The following IFNA16 variants were observed in gnomAD, a reference collection of about 807,000 sequenced individuals.
IFNA16 encodes interferon alpha 16.
For missense variants in IFNA16, 332 were observed against 213.5 expected (o/e 1.55, Z -3.46); for synonymous variants, 122 against 83.3 (o/e 1.46, Z -2.53).
Position 21,216,738 on chromosome 9 carries a change from A to G in IFNA16, c.568T>C (p.Ter190ArgextTer11), listed in dbSNP as rs147709965. ...NLQKGLRRKD[*>R] Reference sequence around the variant, plus strand: ...TCATTTCCATGTTGAATGAGTTTTCAATCCTTCCTTCTTAATCCTTTTTGC... The same window carrying G: ...TCATTTCCATGTTGAATGAGTTTTCGATCCTTCCTTCTTAATCCTTTTTGC... Residue 190 changes from the stop codon to arginine, a stop_lost, in exon 1 of 1, where the codon TGA becomes CGA. Transcript: ENST00000380216. 4 of 1,612,902 alleles carry G rather than the reference A, an allele frequency of 2.5e-6. No homozygotes were observed. In the African/African-American group the frequency reaches 5.3e-5, roughly 22 times the overall value.
At position 21,217,282 on chromosome 9, in the gene IFNA16, C is replaced by A. The variant is rs146707923; in HGVS notation, c.24G>T (p.Leu8=). Residue 8 remains leucine, a synonymous_variant, in exon 1 of 1, where the codon CTG becomes CTT. Coordinates refer to ENST00000380216, the MANE Select transcript of IFNA16 (RefSeq NM_002173.3). MALSFSL[L]MAVLVLSYKS... ...TGTAGCTGAGCACCAGCACGGCCATCAGTAAAGAAAAGGACAGGGCCATTG... is the reference window on the plus strand; with the variant it reads ...TGTAGCTGAGCACCAGCACGGCCATAAGTAAAGAAAAGGACAGGGCCATTG... The A allele has an allele frequency of 1.6e-4, 263 of 1,612,844 alleles. 1 individual carries two copies. In the African/African-American group the frequency reaches 1.8e-3, roughly 11 times the overall value.
At position 21,216,780 on chromosome 9, in the gene IFNA16, A is replaced by G; in HGVS notation, c.526T>C (p.Ser176Pro). ...CCTTTTTGCAAGTTTGTTGAAAAAG[A>G]GAAGGATCTCATGATTTCTGCTCTG... Reference protein sequence around the residue: ...VVRAEIMRSFSFSTNLQKGLR... With the variant: ...VVRAEIMRSFPFSTNLQKGLR... The change falls in exon 1 of 1, where the codon TCT becomes CCT. Residue 176 changes from serine (S) to proline (P), a missense_variant. By Grantham distance (74) the Ser-to-Pro change is moderately conservative (BLOSUM62 -1). Coordinates refer to ENST00000380216, the MANE Select transcript of IFNA16 (RefSeq NM_002173.3). 2 of 1,613,860 alleles carry G rather than the reference A, an allele frequency of 1.2e-6. No individual in the cohort carries two copies. Among genetic ancestry groups the G allele is most frequent in the Non-Finnish European group, 1.7e-6 (2 of 1,179,908 alleles).
In IFNA16 at chr9:21,216,776, A is replaced by C; in HGVS notation, c.530T>G (p.Phe177Cys). Reference protein sequence around the residue: ...VRAEIMRSFSFSTNLQKGLRR... With the variant: ...VRAEIMRSFSCSTNLQKGLRR... ...TAATCCTTTTTGCAAGTTTGTTGAA[A>C]AAGAGAAGGATCTCATGATTTCTGC... The change falls in exon 1 of 1, where the codon TTT (phenylalanine) becomes TGT (cysteine). Residue 177 changes from phenylalanine (F) to cysteine (C), a missense_variant. By Grantham distance (205) the Phe-to-Cys change is radical (BLOSUM62 -2). Coordinates refer to ENST00000380216, the MANE Select transcript of IFNA16 (RefSeq NM_002173.3). 2 of 1,613,674 alleles carry C rather than the reference A, an allele frequency of 1.2e-6. No individual in the cohort carries two copies. The highest frequency in any genetic ancestry group is 1.7e-6 in the Non-Finnish European group (2 of 1,179,856).
rs377352456 is a variant in IFNA16 at position 21,216,817 on chromosome 9, G to C, written c.489C>G (p.Ala163=). The part of the protein sequence containing the change: ...YLMGKKYSPC[A]WEVVRAEIMR... ...TGATTTCTGCTCTGACAACCTCCCA[G>C]GCACAAGGGCTGTATTTCTTCCCCA... is the stretch of plus-strand genomic sequence containing the variant. Residue 163 remains alanine, a synonymous_variant, in exon 1 of 1, where the codon GCC becomes GCG. Transcript: ENST00000380216. 1.9e-6 allele frequency: 3 copies of C among 1,613,906 alleles called. No individual in the cohort carries two copies. The highest frequency in any genetic ancestry group is 8.5e-7 in the Non-Finnish European group (1 of 1,179,922).
Position 21,217,234 on chromosome 9 carries a change from A to G in IFNA16, c.72T>C (p.Cys24=). The G allele has an allele frequency of 1.2e-6, 2 of 1,614,036 alleles. No homozygotes were observed. The highest frequency in any genetic ancestry group is 1.1e-5 in the South Asian group (1 of 91,066). ...LSYKSICSLG[C]DLPQTHSLGN... Reference sequence around the variant, plus strand: ...CCAGGCTGTGAGTCTGAGGCAGATCACAGCCCAGAGAACAGATGGATTTGT... The same window carrying G: ...CCAGGCTGTGAGTCTGAGGCAGATCGCAGCCCAGAGAACAGATGGATTTGT... The change falls in exon 1 of 1, where the codon TGT becomes TGC. Residue 24 remains cysteine (C), a synonymous_variant. Coordinates refer to ENST00000380216, the MANE Select transcript of IFNA16 (RefSeq NM_002173.3).
the IFNA16 span, chr9:21,216,966 G>A: frequency 1.1e-5 from 17 of 1,613,792 alleles, no homozygotes; most frequent in Middle Eastern, 5.0e-4. Context: ...TTCAGTTGCT[G>A]GAAAAGTTCA....
rs1183288262 is a variant in IFNA16 at position 21,216,654 on chromosome 9, T to C, written c.*82A>G. 5 of 1,547,536 alleles carry C rather than the reference T, an allele frequency of 3.2e-6. No individual in the cohort carries two copies. The Admixed American group carries it at 8.4e-5, about 26-fold the overall frequency. ...ATTCAACTTGTGGTGGTTATAGAAG[T>C]GAGTCTTTGAAATGGAAGAACTCAT... On this transcript the variant is annotated 3_prime_UTR_variant, in exon 1 of 1. Transcript: ENST00000380216.
Position 21,216,578 on chromosome 9 carries a change from A to G in IFNA16, c.*158T>C, listed in dbSNP as rs1394456444. ...TCATCTGTAAAGGACTAGTGCCTGC[A>G]CAGGTAAACACGATGCTTCTTTACA... On this transcript the variant is annotated 3_prime_UTR_variant, in exon 1 of 1. Transcript: ENST00000380216. 9.9e-7 allele frequency: 1 copy of G among 1,010,434 alleles called. No individual in the cohort carries two copies. Among genetic ancestry groups the G allele is most frequent in the African/African-American group, 1.6e-5 (1 of 61,148 alleles). The allele number at this position is 1,010,434 out of a possible 1,614,324, so 62.6% of individuals were successfully genotyped here.
chr9:21,217,281 T>G lies in IFNA16; in HGVS notation c.25A>C (p.Met9Leu). 1 of 1,612,974 alleles carries G rather than the reference T, an allele frequency of 6.2e-7. No homozygotes were observed. The highest frequency in any genetic ancestry group is 8.5e-7 in the Non-Finnish European group (1 of 1,179,524). Residue 9 changes from methionine to leucine, a missense_variant, in exon 1 of 1, where the codon ATG (methionine) becomes CTG (leucine). By Grantham distance (15) the Met-to-Leu change is conservative. Coordinates refer to ENST00000380216, the MANE Select transcript of IFNA16 (RefSeq NM_002173.3). The part of the protein sequence containing the change: MALSFSLL[M>L]AVLVLSYKSI... ...TTGTAGCTGAGCACCAGCACGGCCATCAGTAAAGAAAAGGACAGGGCCATT... is the reference window on the plus strand; with the variant it reads ...TTGTAGCTGAGCACCAGCACGGCCAGCAGTAAAGAAAAGGACAGGGCCATT...
At chr9:21,217,303 CA>C in the IFNA16 span, 4 of 1,604,348 alleles carry the variant, frequency 2.5e-6, no homozygotes, top group Non-Finnish European at 3.4e-6. Context: ...AGGACAGGGC[CA>C]TTGGGATGTT....
At position 21,216,860 on chromosome 9, in the gene IFNA16, C is replaced by A. The variant is rs759831031; in HGVS notation, c.446G>T (p.Arg149Ile). The stretch of plus-strand genomic sequence containing the variant: ...CTTCCCCATCAGATAAAGAGTGATT[C>A]TTTGAAAGTATTTCCTCACAGCCAG... ...SILAVRKYFQ[R>I]ITLYLMGKKY... is the part of the protein sequence containing the mutation. The change falls in exon 1 of 1, where the codon AGA (arginine) becomes ATA (isoleucine). Residue 149 changes from arginine (R) to isoleucine (I), a missense_variant. Transcript: ENST00000380216. 6.2e-7 allele frequency: 1 copy of A among 1,613,996 alleles called. No homozygotes were observed. Among genetic ancestry groups the A allele is most frequent in the Non-Finnish European group, 8.5e-7 (1 of 1,179,966 alleles).
At position 21,216,463 on chromosome 9, in the gene IFNA16, C is replaced by G. The variant is rs374251562; in HGVS notation, c.*273G>C. 1 of 197,690 alleles carries G rather than the reference C, an allele frequency of 5.1e-6. No individual in the cohort carries two copies. The highest frequency in any genetic ancestry group is 1.0e-5 in the Non-Finnish European group (1 of 99,942). The allele number at this position is 197,690 out of a possible 1,614,324, so 12.2% of individuals were successfully genotyped here. On this transcript the variant is annotated 3_prime_UTR_variant, in exon 1 of 1. Transcript: ENST00000380216. The stretch of plus-strand genomic sequence containing the variant: ...ACATTAAGCAAAATGTAAAGGTACA[C>G]ATGATATTACATAAAACATGATTTA...
At position 21,217,031 on chromosome 9, in the gene IFNA16, C is replaced by T; in HGVS notation, c.275G>A (p.Ser92Asn). The change falls in exon 1 of 1, where the codon AGC becomes AAC. Residue 92 changes from serine to asparagine, a missense_variant. Ser to Asn is a conservative substitution (Grantham distance 46). Transcript: ENST00000380216. Reference sequence around the variant, plus strand: ...CCAAGCAGCAGATGAATCCTTTGTGCTGAAGAGATTGAAGGTCTGCTGGAT... The same window carrying T: ...CCAAGCAGCAGATGAATCCTTTGTGTTGAAGAGATTGAAGGTCTGCTGGAT... ...EMIQQTFNLF[S>N]TKDSSAAWDE... 1 of 1,613,808 alleles carries T rather than the reference C, an allele frequency of 6.2e-7. No homozygotes were observed. The highest frequency in any genetic ancestry group is 1.1e-5 in the South Asian group (1 of 91,066).
At position 21,216,775 on chromosome 9, in the gene IFNA16, A is replaced by G. The variant is rs146252914; in HGVS notation, c.531T>C (p.Phe177=). The change falls in exon 1 of 1, where the codon TTT becomes TTC. Residue 177 remains phenylalanine, a synonymous_variant. Coordinates refer to ENST00000380216, the MANE Select transcript of IFNA16 (RefSeq NM_002173.3). ...TTAATCCTTTTTGCAAGTTTGTTGA[A>G]AAAGAGAAGGATCTCATGATTTCTG... ...VRAEIMRSFS[F]STNLQKGLRR... 5.5e-5 allele frequency: 89 copies of G among 1,613,738 alleles called. 1 individual carries two copies. In the African/African-American group the frequency reaches 9.9e-4, roughly 18 times the overall value.
chr9:21,216,794 A>T lies in IFNA16; in HGVS notation c.512T>A (p.Ile171Asn). Residue 171 changes from isoleucine to asparagine, a missense_variant, in exon 1 of 1, where the codon ATC (isoleucine) becomes AAC (asparagine). By Grantham distance (149) the Ile-to-Asn change is moderately radical. Transcript: ENST00000380216. ...TGTTGAAAAAGAGAAGGATCTCATG[A>T]TTTCTGCTCTGACAACCTCCCAGGC... Reference protein sequence around the residue: ...PCAWEVVRAEIMRSFSFSTNL... With the variant: ...PCAWEVVRAENMRSFSFSTNL... 2.5e-6 allele frequency: 4 copies of T among 1,613,796 alleles called. No individual in the cohort carries two copies. Among genetic ancestry groups the T allele is most frequent in the Non-Finnish European group, 3.4e-6 (4 of 1,179,872 alleles).
In IFNA16 at chr9:21,216,682, A is replaced by T; in HGVS notation, c.*54T>A. 6.3e-7 allele frequency: 1 copy of T among 1,580,766 alleles called. No individual in the cohort carries two copies. Among genetic ancestry groups the T allele is most frequent in the Admixed American group, 2.0e-5 (1 of 51,160 alleles). On this transcript the variant is annotated 3_prime_UTR_variant, in exon 1 of 1. Transcript: ENST00000380216. ...GTCTTTGAAATGGAAGAACTCATGA[A>T]AGTGTGAGATGATGTATTAATCAAT... is the stretch of plus-strand genomic sequence containing the variant.
Position 21,216,643 on chromosome 9 carries a change from G to C in IFNA16, c.*93C>G. ...TGAAAATTTTGATTCAACTTGTGGT[G>C]GTTATAGAAGTGAGTCTTTGAAATG... On this transcript the variant is annotated 3_prime_UTR_variant, in exon 1 of 1. Coordinates refer to ENST00000380216, the MANE Select transcript of IFNA16 (RefSeq NM_002173.3). 1 of 1,521,572 alleles carries C rather than the reference G, an allele frequency of 6.6e-7. No individual in the cohort carries two copies. The highest frequency in any genetic ancestry group is 8.9e-7 in the Non-Finnish European group (1 of 1,129,496). The allele number at this position is 1,521,572 out of a possible 1,614,324, so 94.3% of individuals were successfully genotyped here.
In IFNA16 at chr9:21,216,591, A is replaced by G; in HGVS notation, c.*145T>C. On this transcript the variant is annotated 3_prime_UTR_variant, in exon 1 of 1. Coordinates refer to ENST00000380216, the MANE Select transcript of IFNA16 (RefSeq NM_002173.3). ...ACTAGTGCCTGCACAGGTAAACACG[A>G]TGCTTCTTTACACTCCTGAAAACAT... The G allele has an allele frequency of 8.3e-7, 1 of 1,201,382 alleles. No homozygotes were observed. The highest frequency in any genetic ancestry group is 1.2e-6 in the Non-Finnish European group (1 of 865,770). The allele number at this position is 1,201,382 out of a possible 1,614,324, so 74.4% of individuals were successfully genotyped here.
rs28368164 is a variant in IFNA16, at chr9:21,216,865, A to G, written c.441T>C (p.Phe147=). 0.042 allele frequency: 67,446 copies of G among 1,613,904 alleles called. 1,655 individuals are homozygous for G. Among genetic ancestry groups the G allele is most frequent in the Middle Eastern group, 0.068 (408 of 6,038 alleles). Residue 147 remains phenylalanine, a synonymous_variant, in exon 1 of 1, where the codon TTT becomes TTC. Coordinates refer to ENST00000380216, the MANE Select transcript of IFNA16 (RefSeq NM_002173.3). ...EDSILAVRKY[F]QRITLYLMGK... ...CCATCAGATAAAGAGTGATTCTTTG[A>G]AAGTATTTCCTCACAGCCAGGATGG...
Sources: gnomAD v4.1 joint callset for allele counts on GRCh38, gnomAD v4.1.1 for gene constraint, MANE v1.5 for transcripts, NCBI Gene and HGNC (gene_info 2026-07-23, HGNC 2026-07-21) for gene names.